ARMC12: variants seen among roughly 807,000 people sequenced by gnomAD.
ARMC12 encodes the protein armadillo repeat containing 12, also known as armadillo repeat-containing protein 12.
In ARMC12, 25 loss-of-function variants were observed where a neutral mutation model predicts 37.4. The observed-to-expected ratio is 0.67, with a 90% confidence interval of 0.49 to 0.93. The LOEUF (loss-of-function observed/expected upper bound fraction) is 0.93, where lower values mean the gene tolerates loss of function less well. Among genes scored for constraint, ARMC12 ranks in the 40% least tolerant of loss-of-function variants. ARMC12 has a pLI of 0.00. For synonymous variants in ARMC12, 167 were observed against 176.1 expected, an observed-to-expected ratio of 0.95 and a Z score of 0.41; for missense variants, 384 against 426.6, an observed-to-expected ratio of 0.90 and a Z score of 0.88.
upstream of ARMC12, chr6:35,736,812 A>G (rs545771080): frequency 1.6e-4 from 67 of 406,740 alleles, no homozygotes; most frequent in South Asian, 1.6e-3. Flanking sequence ...GTTTCACCAT[A>G]TTGGCCAGGC....
At chr6:35,734,229 G>A (rs887644215), upstream of ARMC12, among the ~76,000 whole-genome samples, 5 of 152,076 alleles carry the variant, frequency 3.3e-5, no homozygotes, top group Non-Finnish European at 7.4e-5. Context: ...GCATGATCTC[G>A]GCTCACTGCA....
chr6:35,738,901 T>G (rs1767080204), intron 3 of ARMC12, among the ~76,000 whole-genome samples: 1 of 152,166 alleles, frequency 6.6e-6, no homozygotes, highest in Non-Finnish European at 1.5e-5. Context: ...CCCCCAAGAC[T>G]TCCCCCCGAC....
intron 3 of ARMC12, among the ~76,000 whole-genome samples, chr6:35,745,774 G>A (rs764500752): frequency 2.6e-5 from 4 of 152,286 alleles, no homozygotes; most frequent in African/African-American, 4.8e-5. Flanking sequence ...GGCCGGGCGC[G>A]GAGGCTCAGG....
upstream of ARMC12, among the ~76,000 whole-genome samples, chr6:35,732,087 G>C (rs971229369): frequency 2.0e-5 from 3 of 152,182 alleles, no homozygotes; most frequent in East Asian, 3.9e-4. Flanking sequence ...GAGCAAGACC[G>C]GGGGAGGCCC....
chr6:35,734,917 G>C (rs1282996785), upstream of ARMC12, among the ~76,000 whole-genome samples: 1 of 152,132 alleles, frequency 6.6e-6, no homozygotes, highest in Non-Finnish European at 1.5e-5. Flanking sequence ...TTGTACTGTG[G>C]ACTAGTAAAA....
intron 4 of ARMC12, 44 bp downstream of exon 4, chr6:35,747,478 CT>C (rs757948014): frequency 6.2e-7 from 1 of 1,613,322 alleles, no homozygotes; most frequent in Non-Finnish European, 8.5e-7. Context: ...CTGACCAGCC[CT>C]AGCACAGTAC....
intron 3 of ARMC12, among the ~76,000 whole-genome samples, chr6:35,743,498 G>A (rs1279498903): frequency 6.6e-6 from 1 of 152,148 alleles, no homozygotes; most frequent in Admixed American, 6.5e-5. Context: ...GATTAAAGGC[G>A]TGAGCCACTG....
At chr6:35,748,246 G>A (rs1767399709) in intron 5 of ARMC12, among the ~76,000 whole-genome samples, 1 of 152,132 alleles carries the variant, frequency 6.6e-6, no homozygotes, top group Non-Finnish European at 1.5e-5. Flanking sequence ...AGGATTAAAT[G>A]CACAGTCCTC....
At chr6:35,747,196 A>G (rs1269269421) in intron 3 of ARMC12, 65 bp from the exon 4 acceptor site, 7 of 1,542,786 alleles carry the variant, frequency 4.5e-6, no homozygotes, top group Non-Finnish European at 4.4e-6. Context: ...TGAAGAGTAA[A>G]GTCAGATACT....
chr6:35,745,774 G>GGA (rs1209899043), intron 3 of ARMC12, among the ~76,000 whole-genome samples: 2 of 152,168 alleles, frequency 1.3e-5, no homozygotes, highest in Non-Finnish European at 2.9e-5. Context: ...GGCCGGGCGC[G>GGA]GAGGCTCAGG....
rs1312409881 is a variant in ARMC12 at position 35,737,198 on chromosome 6, G to A, written c.90G>A (p.Leu30=). The change falls in exon 1 of 6, where the codon CTG becomes CTA. Residue 30 remains leucine, a synonymous_variant. Transcript: ENST00000373866. ...CCACAGGCGCCGGGGCGATCTACCTGCTCTACAAGGCCATCAAGGCTGGCA... is the reference window on the plus strand; with the variant it reads ...CCACAGGCGCCGGGGCGATCTACCTACTCTACAAGGCCATCAAGGCTGGCA... The part of the protein sequence containing the change: ...SLATGAGAIY[L]LYKAIKAGIK... 6.2e-6 allele frequency: 10 copies of A among 1,614,140 alleles called. No individual in the cohort carries two copies. Among genetic ancestry groups the A allele is most frequent in the Non-Finnish European group, 7.6e-6 (9 of 1,180,054 alleles).
In ARMC12 at chr6:35,747,571, T is replaced by C; in HGVS notation, c.619-5T>C. 1 of 1,614,136 alleles carries C rather than the reference T, an allele frequency of 6.2e-7. No individual in the cohort carries two copies. The highest frequency in any genetic ancestry group is 8.5e-7 in the Non-Finnish European group (1 of 1,179,986). ...TTCTCATGCTTTACTCTTTCCTTTA[T>C]TCAGGTGCAAGCCGTACGACTGCTG... On this transcript the variant is annotated splice_region_variant and splice_polypyrimidine_tract_variant and intron_variant, in intron 4 of 5. Transcript: ENST00000373866.
chr6:35,748,362 G>T (rs2151049134), intron 5 of ARMC12, among the ~76,000 whole-genome samples, 176 bp from the exon 6 acceptor site: 1 of 152,128 alleles, frequency 6.6e-6, no homozygotes, highest in African/African-American at 2.4e-5. Flanking sequence ...CATGTTTTAT[G>T]ATCACAAGGC....
At chr6:35,731,918 GAGAA>G in the ARMC12 span, among the ~76,000 whole-genome samples, 2 of 152,334 alleles carry the variant, frequency 1.3e-5, no homozygotes, top group South Asian at 4.1e-4. Context: ...GAGCGCGGGA[GAGAA>G]AGAGTTAAAC....
intron 1 of ARMC12, 87 bp from the exon 2 acceptor site, chr6:35,737,940 C>A: frequency 1.9e-6 from 3 of 1,585,276 alleles, no homozygotes; most frequent in Non-Finnish European, 2.6e-6. Flanking sequence ...GCAGCCTTGT[C>A]CCCAAGTCCC....
chr6:35,735,146 C>G (rs1410360514), upstream of ARMC12: 1 of 152,134 alleles, frequency 6.6e-6, no homozygotes, highest in Non-Finnish European at 1.5e-5. This position sits in a 1 kb window ranked among gnomAD's most constrained non-coding sequence, Gnocchi z 4.0. Flanking sequence ...ACTCTGGGTC[C>G]CACCCTGGAG....
At chr6:35,743,279 C>T (rs977905165) in intron 3 of ARMC12, among the ~76,000 whole-genome samples, 43 of 151,044 alleles carry the variant, frequency 2.8e-4, no homozygotes, top group African/African-American at 9.0e-4. Context: ...TGCAATGGCG[C>T]GATCTCAGCT....
rs1581932827 is a variant in ARMC12 at position 35,748,457 on chromosome 6, A to C, written c.691-81A>C. The stretch of plus-strand genomic sequence containing the variant: ...GAAATTTAGGTATATTTGGGAGTTT[A>C]GGCAATAGGAATATACAAGAACAAG... On this transcript the variant is annotated intron_variant, in intron 5 of 5. Transcript: ENST00000373866. 3.4e-6 allele frequency: 4 copies of C among 1,190,158 alleles called. No homozygotes were observed. The Middle Eastern group carries it at 6.4e-4, about 189-fold the overall frequency. The allele number at this position is 1,190,158 out of a possible 1,614,324, so 73.7% of individuals were successfully genotyped here.
At chr6:35,743,012 T>C (rs1767220436) in intron 3 of ARMC12, among the ~76,000 whole-genome samples, 1 of 152,156 alleles carries the variant, frequency 6.6e-6, no homozygotes, top group Non-Finnish European at 1.5e-5. Context: ...GTTCCCTCGT[T>C]CTGAAACCCT....
Sources: allele counts gnomAD v4.1 joint callset (sites outside exome capture counted in the v4.1 genomes callset), GRCh38; gene constraint gnomAD v4.1.1; non-coding constraint Gnocchi (gnomAD v3.1); transcripts MANE v1.5; gene names NCBI Gene and HGNC (gene_info 2026-07-23, HGNC 2026-07-21).